Variants in USP48 observed in about 807,000 individuals in gnomAD.
USP48 encodes ubiquitin carboxyl-terminal hydrolase 48.
In USP48, 43 loss-of-function variants were observed where a neutral mutation model predicts 150.7. The ratio of observed to expected loss-of-function variants is 0.29; its 90% CI spans 0.22 to 0.37. USP48 has a LOEUF of 0.37. Among genes scored for constraint, USP48 ranks in the 10% least tolerant of loss-of-function variants. USP48 has a pLI of 1.00. For missense variants in USP48, 813 were observed against 1,249.6 expected (o/e 0.65, Z 5.27); for synonymous variants, 396 against 425.9 (o/e 0.93, Z 0.86).
chr1:21,700,699 A>G (rs1373285419), intron 22 of USP48, among the ~76,000 whole-genome samples: 1 of 152,198 alleles, frequency 6.6e-6, no homozygotes, highest in Admixed American at 6.5e-5. Flanking sequence ...ATATCCTCCA[A>G]TGTGGGGGTC....
At chr1:21,752,229 A>G (rs1214664016) in intron 5 of USP48, among the ~76,000 whole-genome samples, 2 of 152,052 alleles carry the variant, frequency 1.3e-5, no homozygotes, top group African/African-American at 2.4e-5. Context: ...GGCATTTTAC[A>G]TTTACTTTTA....
intron 22 of USP48, among the ~76,000 whole-genome samples, chr1:21,695,520 A>G (rs1420524822): frequency 6.6e-6 from 1 of 152,144 alleles, no homozygotes; most frequent in Non-Finnish European, 1.5e-5. Context: ...GGAGTTCAAG[A>G]CCAGCCTAGG....
intron 8 of USP48, among the ~76,000 whole-genome samples, chr1:21,745,180 G>A (rs1245293974): frequency 3.3e-5 from 5 of 151,978 alleles, no homozygotes; most frequent in African/African-American, 2.4e-5. Flanking sequence ...ACCTATATAA[G>A]GTACAGCAAG....
intron 15 of USP48, 127 bp downstream of exon 15, chr1:21,715,262 G>A: frequency 5.0e-6 from 3 of 598,768 alleles, no homozygotes; most frequent in Non-Finnish European, 8.8e-6. Context: ...CTAAATATGG[G>A]GAAATTCTAT....
intron 1 of USP48, among the ~76,000 whole-genome samples, chr1:21,777,100 C>G (rs1163352497): frequency 6.6e-6 from 1 of 151,532 alleles, no homozygotes; most frequent in African/African-American, 2.4e-5. Context: ...GACAACAGAG[C>G]CAGACTCCAT....
chr1:21,744,438 T>C (rs1557550491), intron 8 of USP48, among the ~76,000 whole-genome samples: 1 of 131,014 alleles, frequency 7.6e-6, no homozygotes, highest in Non-Finnish European at 1.6e-5. Context: ...CGCAAAATTC[T>C]GTCTCAAAAA....
chr1:21,763,993 T>C (rs909275365), intron 1 of USP48, among the ~76,000 whole-genome samples: 2 of 152,172 alleles, frequency 1.3e-5, no homozygotes, highest in African/African-American at 4.8e-5. Context: ...TGCCCCTAAC[T>C]CCATTTTATC....
At chr1:21,774,186 TAATAATAA>T (rs2097890766) in intron 1 of USP48, among the ~76,000 whole-genome samples, 2 of 53,386 alleles carry the variant, frequency 3.7e-5, no homozygotes, top group African/African-American at 9.1e-5. Context: ...CTCAAAATAA[TAATAATAA>T]TAATAATAAT....
intron 21 of USP48, among the ~76,000 whole-genome samples, chr1:21,702,028 G>A (rs148139603): frequency 2.2e-4 from 34 of 152,220 alleles, no homozygotes; most frequent in East Asian, 5.8e-4. Context: ...TGGAAGAAGC[G>A]CTCTCTTGCA....
intron 18 of USP48, 114 bp downstream of exon 18, chr1:21,706,012 G>A (rs547238120): frequency 2.0e-4 from 253 of 1,239,154 alleles, no homozygotes; most frequent in Non-Finnish European, 2.7e-4. Context: ...GTGTATGCTG[G>A]TGAAAGTAAC....
rs185962510 is a variant in USP48, at chr1:21,722,599, C to T, written c.1649-835G>A. 6.6e-5 allele frequency among the ~76,000 whole-genome samples: 10 copies of T among 151,088 alleles called. No homozygotes were observed. The East Asian group carries it at 2.0e-3, about 29-fold the overall frequency. On this transcript the variant is annotated intron_variant, in intron 12 of 26. Coordinates refer to ENST00000308271, the MANE Select transcript of USP48 (RefSeq NM_032236.8). ...GTGGCCCATTCTTGTAATCCCAGCA[C>T]TTTGGGAGGCCGAGGCAGGTCAATC...
intron 1 of USP48, among the ~76,000 whole-genome samples, chr1:21,761,758 C>A (rs1439151511): frequency 1.3e-5 from 2 of 152,116 alleles, no homozygotes; most frequent in African/African-American, 4.8e-5. Flanking sequence ...AAGTGAGACC[C>A]TGTCTCTATT....
chr1:21,706,057 T>C (rs146591994), intron 18 of USP48, 69 bp downstream of exon 18: 4 of 1,508,858 alleles, frequency 2.7e-6, no homozygotes, highest in Admixed American at 3.5e-5. Context: ...GAATCCACGA[T>C]ATCTTAAAAA....
chr1:21,772,980 C>T (rs1470494821), intron 1 of USP48, among the ~76,000 whole-genome samples: 2 of 150,060 alleles, frequency 1.3e-5, no homozygotes, highest in African/African-American at 2.4e-5. Flanking sequence ...AAATATTCGG[C>T]CGGGCGTGAT....
intron 1 of USP48, among the ~76,000 whole-genome samples, chr1:21,765,588 G>A (rs2152627900): frequency 6.8e-6 from 1 of 146,686 alleles, no homozygotes; most frequent in South Asian, 2.2e-4. Flanking sequence ...CTGCACTCAA[G>A]TCTGGGTGAC....
Position 21,752,665 on chromosome 1 carries a change from T to A in USP48, c.541-14A>T. On this transcript the variant is annotated splice_polypyrimidine_tract_variant and intron_variant, in intron 4 of 26. Coordinates refer to ENST00000308271, the MANE Select transcript of USP48 (RefSeq NM_032236.8). ...TTCTTGAGCATCCTACAAGTTTAGGTTAATGAAAAGAAAAATCATATCTTG... is the reference window on the plus strand; with the variant it reads ...TTCTTGAGCATCCTACAAGTTTAGGATAATGAAAAGAAAAATCATATCTTG... 6.3e-7 allele frequency: 1 copy of A among 1,576,814 alleles called. No homozygotes were observed.
At chr1:21,713,926 T>A (rs974581989) in intron 15 of USP48, among the ~76,000 whole-genome samples, 24 of 152,102 alleles carry the variant, frequency 1.6e-4, no homozygotes, top group African/African-American at 5.8e-4. Context: ...CACCCCAGGA[T>A]GGCCCCTTCC....
At chr1:21,707,725 T>C (rs569410435) in intron 15 of USP48, among the ~76,000 whole-genome samples, 4 of 152,310 alleles carry the variant, frequency 2.6e-5, no homozygotes, top group Admixed American at 6.5e-5. Flanking sequence ...TCTGCACCCA[T>C]TGGCAAGGTA....
chr1:21,701,437 G>C (rs1008612214), intron 22 of USP48, 61 bp downstream of exon 22: 31 of 1,417,096 alleles, frequency 2.2e-5, no homozygotes, highest in African/African-American at 5.7e-5. Flanking sequence ...CAGGGGCTTC[G>C]AGTGGCTGCT....
Sources: gnomAD v4.1 joint callset for allele counts (sites outside exome capture counted in the v4.1 genomes callset) on GRCh38, gnomAD v4.1.1 for gene constraint, MANE v1.5 for transcripts, NCBI Gene and HGNC (gene_info 2026-07-23, HGNC 2026-07-21) for gene names.